The following HDHD3 variants were observed in gnomAD, a reference collection of about 807,000 sequenced individuals.
HDHD3 encodes the protein haloacid dehalogenase-like hydrolase domain-containing protein 3.
Under a neutral mutation model 6.9 loss-of-function variants are expected in HDHD3, and 6 were observed. The ratio of observed to expected loss-of-function variants is 0.87; its 90% CI spans 0.48 to 1.72. The LOEUF (loss-of-function observed/expected upper bound fraction) is 1.72, where lower values mean the gene tolerates loss of function less well. HDHD3 is among the 40% of genes most tolerant of loss of function. The pLI, the probability that HDHD3 is intolerant of heterozygous loss-of-function variation, is 0.01. For synonymous variants in HDHD3, 139 were observed against 140.7 expected (o/e 0.99, Z 0.08); for missense variants, 308 against 327.4 (o/e 0.94, Z 0.46).
rs2118950365 is a variant in HDHD3, at chr9:113,374,313, C to G, written c.42G>C (p.Val14=). The change falls in exon 3 of 3, where the codon GTG becomes GTC. Residue 14 remains valine, a synonymous_variant. Transcript: ENST00000374180. ...GGCGGAGCCTGAGCAGCGTGTCCTT[C>G]ACATCCCACGTCAGCAGTCGTATCT... The part of the protein sequence containing the change: ...RLQIRLLTWD[V]KDTLLRLRHP... 5 of 1,529,598 alleles carry G rather than the reference C, an allele frequency of 3.3e-6. No individual in the cohort carries two copies. In the East Asian group the frequency reaches 1.1e-4, roughly 35 times the overall value. The allele number at this position is 1,529,598 out of a possible 1,614,324, so 94.8% of individuals were successfully genotyped here.
intron 2 of HDHD3, among the ~76,000 whole-genome samples, 187 bp from the exon 3 acceptor site, chr9:113,374,716 C>T (rs1450963445): frequency 1.3e-5 from 2 of 152,160 alleles, no homozygotes; most frequent in African/African-American, 4.8e-5. Context: ...AGGGCATTTA[C>T]AGGCACTGAA....
rs1293753364 is a variant in HDHD3 at position 113,374,253 on chromosome 9, C to G, written c.102G>C (p.Arg34=). 2 of 1,601,772 alleles carry G rather than the reference C, an allele frequency of 1.2e-6. No homozygotes were observed. Among genetic ancestry groups the G allele is most frequent in the Non-Finnish European group, 1.7e-6 (2 of 1,172,438 alleles). Residue 34 remains arginine, a synonymous_variant, in exon 3 of 3, where the codon CGG becomes CGC. Coordinates refer to ENST00000374180, the MANE Select transcript of HDHD3 (RefSeq NM_001304509.2). ...AGGGCTCCACCTCCAGCCCATGGGC[C>G]CGGGCCTTGGTGGCATAGGCCTCCC... ...PLGEAYATKA[R]AHGLEVEPSA...
At position 113,374,221 on chromosome 9, in the gene HDHD3, AGGGCTGAG is replaced by A. The variant is rs1345444639; in HGVS notation, c.126_133del (p.Ser43GlyfsTer54). Reference sequence around the variant, plus strand: ...GTATGCCTGCCTGAAGCCTTGTTCCAGGGCTGAGGGCTCCACCTCCAGCCCATGGGCCC... The same window carrying A: ...GTATGCCTGCCTGAAGCCTTGTTCCAGGCTCCACCTCCAGCCCATGGGCCC... On this transcript the variant is annotated frameshift_variant, in exon 3 of 3. Transcript: ENST00000374180. LOFTEE classifies it high-confidence loss of function. 1.1e-5 allele frequency: 18 copies of A among 1,606,750 alleles called. No homozygotes were observed. The East Asian group carries it at 4.0e-4, about 36-fold the overall frequency.
At position 113,373,517 on chromosome 9, in the gene HDHD3, G is replaced by A; in HGVS notation, c.*82C>T. ...AGAGGGGGAAAGGTCCAGAGCTGTG[G>A]AGAAAGAAGGGGCTCCCTGTCTCCA... On this transcript the variant is annotated 3_prime_UTR_variant, in exon 3 of 3. Transcript: ENST00000374180. 1 of 1,426,332 alleles carries A rather than the reference G, an allele frequency of 7.0e-7. No homozygotes were observed. Among genetic ancestry groups the A allele is most frequent in the Non-Finnish European group, 9.4e-7 (1 of 1,064,478 alleles). 88.4% of individuals were successfully genotyped at this position (1,426,332 alleles called of 1,614,324 possible).
At chr9:113,374,611 G>A (rs1834418624) in intron 2 of HDHD3, 82 bp from the exon 3 acceptor site, 1 of 390,594 alleles carries the variant, frequency 2.6e-6, no homozygotes, top group Non-Finnish European at 4.6e-6. Flanking sequence ...TGCTGCCAAT[G>A]GTGTGACCCT....
In HDHD3 at chr9:113,373,985, A is replaced by C. The variant is rs201541754; in HGVS notation, c.370T>G (p.Cys124Gly). ...GCCAGTCTCAGACCCCGTGTGCGGC[A>C]CTCCCTCAGGGTGTCCTCAGCCCCA... ...LDGAEDTLRE[C>G]RTRGLRLAVI... Residue 124 changes from cysteine to glycine, a missense_variant, in exon 3 of 3, where the codon TGC (cysteine) becomes GGC (glycine). Cys to Gly is a radical substitution (Grantham distance 159). Transcript: ENST00000374180. The C allele has an allele frequency of 1.2e-6, 2 of 1,614,096 alleles. No homozygotes were observed. The highest frequency in any genetic ancestry group is 1.7e-5 in the Admixed American group (1 of 60,024).
chr9:113,373,722 C>G lies in HDHD3; in HGVS notation c.633G>C (p.Val211=). ...PRAVGMHSFL[V]VGPQALDPVV... ...CGGGGTCCAGTGCCTGTGGGCCAACCACCAGGAAGCTGTGCATGCCCACAG... is the reference window on the plus strand; with the variant it reads ...CGGGGTCCAGTGCCTGTGGGCCAACGACCAGGAAGCTGTGCATGCCCACAG... Residue 211 remains valine (V), a synonymous_variant, in exon 3 of 3, where the codon GTG becomes GTC. Transcript: ENST00000374180. The G allele has an allele frequency of 6.2e-7, 1 of 1,614,068 alleles. No homozygotes were observed.
In HDHD3 at chr9:113,374,131, C is replaced by A; in HGVS notation, c.224G>T (p.Trp75Leu). ...LSHGLTSRQW[W>L]LDVVLQTFHL... ...GAAGGTCTGCAGGACCACATCCAGC[C>A]ACCACTGGCGGGAGGTTAGGCCGTG... Residue 75 changes from tryptophan (W) to leucine (L), a missense_variant, in exon 3 of 3, where the codon TGG (tryptophan) becomes TTG (leucine). Transcript: ENST00000374180. 1 of 1,599,796 alleles carries A rather than the reference C, an allele frequency of 6.3e-7. No individual in the cohort carries two copies. Among genetic ancestry groups the A allele is most frequent in the African/African-American group, 1.3e-5 (1 of 74,804 alleles).
At chr9:113,376,590 T>TTCCCCCCCCCCCCCCCCCC (rs137860074) in intron 1 of HDHD3, 139 bp downstream of exon 1, 42 of 134,344 alleles carry the variant, frequency 3.1e-4, no homozygotes, top group East Asian at 7.4e-4. Context: ...CTCGTGATCC[T>TTCCCCCCCCCCCCCCCCCC]CCCCCGCCCC....
In HDHD3 at chr9:113,376,884, G is replaced by C. The variant is rs3750526; in HGVS notation, c.-446C>G. The C allele has an allele frequency of 0.11, 16,607 of 152,238 alleles. 1,274 individuals are homozygous for C. Among genetic ancestry groups the C allele is most frequent in the East Asian group, 0.24 (1,233 of 5,118 alleles). The allele number at this position is 152,238 out of a possible 1,614,324, so 9.4% of individuals were successfully genotyped here. On this transcript the variant is annotated 5_prime_UTR_variant, in exon 1 of 3. Transcript: ENST00000374180. ...CCTTGGGTCCCCTTCTCAGCTGTAG[G>C]GCGTCCACGGCTCCGGGCCGGTTCC...
chr9:113,373,769 A>G lies in HDHD3; in HGVS notation c.586T>C (p.Cys196Arg), dbSNP rs1834387714. 6.2e-7 allele frequency: 1 copy of G among 1,612,620 alleles called. No homozygotes were observed. Among genetic ancestry groups the G allele is most frequent in the Non-Finnish European group, 8.5e-7 (1 of 1,178,994 alleles). The change falls in exon 3 of 3, where the codon TGC (cysteine) becomes CGC (arginine). Residue 196 changes from cysteine (C) to arginine (R), a missense_variant. Coordinates refer to ENST00000374180, the MANE Select transcript of HDHD3 (RefSeq NM_001304509.2). Reference sequence around the variant, plus strand: ...ACAGCCCGAGGCCCCTGGTAATCGCAGAGGTAATTATCCCCAACATGGGCT... The same window carrying G: ...ACAGCCCGAGGCCCCTGGTAATCGCGGAGGTAATTATCCCCAACATGGGCT... The part of the protein sequence containing the change: ...VAAHVGDNYL[C>R]DYQGPRAVGM...
chr9:113,374,838 G>A (rs1375638515), intron 2 of HDHD3, among the ~76,000 whole-genome samples: 5 of 152,136 alleles, frequency 3.3e-5, no homozygotes, highest in African/African-American at 1.2e-4. Context: ...TGTGTAGTTA[G>A]GGAATGTCAT....
rs749042561 is a variant in HDHD3 at position 113,373,726 on chromosome 9, A to T, written c.629T>A (p.Leu210Gln). The change falls in exon 3 of 3, where the codon CTG becomes CAG. Residue 210 changes from leucine to glutamine, a missense_variant. Coordinates refer to ENST00000374180, the MANE Select transcript of HDHD3 (RefSeq NM_001304509.2). ...GTCCAGTGCCTGTGGGCCAACCACC[A>T]GGAAGCTGTGCATGCCCACAGCCCG... ...GPRAVGMHSFLVVGPQALDPV... is the reference protein window; with the variant it reads ...GPRAVGMHSFQVVGPQALDPV... The T allele has an allele frequency of 6.2e-6, 10 of 1,614,086 alleles. No individual in the cohort carries two copies. The highest frequency in any genetic ancestry group is 8.5e-6 in the Non-Finnish European group (10 of 1,179,980).
chr9:113,373,786 A>C lies in HDHD3; in HGVS notation c.569T>G (p.Val190Gly). The C allele has an allele frequency of 2.5e-6, 4 of 1,612,470 alleles. No homozygotes were observed. Among genetic ancestry groups the C allele is most frequent in the Non-Finnish European group, 3.4e-6 (4 of 1,178,768 alleles). Residue 190 changes from valine to glycine, a missense_variant, in exon 3 of 3, where the codon GTT (valine) becomes GGT (glycine). Transcript: ENST00000374180. ...GTAATCGCAGAGGTAATTATCCCCAACATGGGCTGCCACTACTGGTTCCAT... is the reference window on the plus strand; with the variant it reads ...GTAATCGCAGAGGTAATTATCCCCACCATGGGCTGCCACTACTGGTTCCAT... ...AHMEPVVAAH[V>G]GDNYLCDYQG...
Position 113,374,375 on chromosome 9 carries a change from C to G in HDHD3, c.-21G>C. 6.7e-7 allele frequency: 1 copy of G among 1,501,558 alleles called. No homozygotes were observed. Among genetic ancestry groups the G allele is most frequent in the Admixed American group, 2.3e-5 (1 of 43,796 alleles). 93.0% of individuals were successfully genotyped at this position (1,501,558 alleles called of 1,614,324 possible). ...GCCATGGAGGAGGCCAAGTCCACCC[C>G]AGTTCTGCCTCAGGTCCCACGGTGG... On this transcript the variant is annotated 5_prime_UTR_variant, in exon 3 of 3. Coordinates refer to ENST00000374180, the MANE Select transcript of HDHD3 (RefSeq NM_001304509.2).
At position 113,374,103 on chromosome 9, in the gene HDHD3, G is replaced by A. The variant is rs781656540; in HGVS notation, c.252C>T (p.His84=). ...WWLDVVLQTF[H]LAGVQDAQAV... is the part of the protein sequence containing the mutation. ...CCTGAGCATCCTGGACACCCGCCAG[G>A]TGGAAGGTCTGCAGGACCACATCCA... Residue 84 remains histidine (H), a synonymous_variant, in exon 3 of 3, where the codon CAC becomes CAT. Coordinates refer to ENST00000374180, the MANE Select transcript of HDHD3 (RefSeq NM_001304509.2). 12 of 1,605,704 alleles carry A rather than the reference G, an allele frequency of 7.5e-6. No homozygotes were observed. The Admixed American group carries it at 1.8e-4, about 25-fold the overall frequency.
At chr9:113,374,635 T>C (rs80286918) in intron 2 of HDHD3, 106 bp from the exon 3 acceptor site, 1 of 356,370 alleles carries the variant, frequency 2.8e-6, no homozygotes, top group Non-Finnish European at 5.0e-6. Context: ...AAAGTCACTC[T>C]GAATCCACAA....
Position 113,374,238 on chromosome 9 carries a change from C to T in HDHD3, c.117G>A (p.Glu39=). 1 of 1,606,064 alleles carries T rather than the reference C, an allele frequency of 6.2e-7. No individual in the cohort carries two copies. Among genetic ancestry groups the T allele is most frequent in the Non-Finnish European group, 8.5e-7 (1 of 1,174,848 alleles). ...YATKARAHGL[E]VEPSALEQGF... Reference sequence around the variant, plus strand: ...CTTGTTCCAGGGCTGAGGGCTCCACCTCCAGCCCATGGGCCCGGGCCTTGG... The same window carrying T: ...CTTGTTCCAGGGCTGAGGGCTCCACTTCCAGCCCATGGGCCCGGGCCTTGG... Residue 39 remains glutamate (E), a synonymous_variant, in exon 3 of 3, where the codon GAG becomes GAA. Coordinates refer to ENST00000374180, the MANE Select transcript of HDHD3 (RefSeq NM_001304509.2).
chr9:113,376,378 G>C (rs1213476395), intron 1 of HDHD3, among the ~76,000 whole-genome samples: 4 of 124,890 alleles, frequency 3.2e-5, no homozygotes, highest in Non-Finnish European at 6.4e-5. Context: ...TTGAGACAGA[G>C]TCTCACTCTG....
Sources: gnomAD v4.1 joint callset for allele counts (sites outside exome capture counted in the v4.1 genomes callset) on GRCh38, gnomAD v4.1.1 for gene constraint, MANE v1.5 for transcripts, NCBI Gene and HGNC (gene_info 2026-07-23, HGNC 2026-07-21) for gene names.